The following DYM variants were observed in gnomAD, a reference collection of about 807,000 sequenced individuals.
DYM encodes dyggve-Melchior-Clausen syndrome protein.
In DYM, 78 loss-of-function variants were observed where a neutral mutation model predicts 93.1. The observed-to-expected ratio is 0.84, with a 90% CI of 0.70 to 1.01. DYM has a LOEUF of 1.01. Among genes scored for constraint, DYM ranks in the 50% least tolerant of loss-of-function variants. The probability of loss-of-function intolerance (pLI) is 0.00; values close to 1 mark genes in which losing one functional copy is unlikely to be tolerated. For synonymous variants in DYM, 321 were observed against 319.7 expected (o/e 1.00, Z -0.04); for missense variants, 789 against 845.0 (o/e 0.93, Z 0.82).
At chr18:49,071,596 C>T (rs2076893451) in intron 17 of DYM, among the ~76,000 whole-genome samples, 1 of 152,208 alleles carries the variant, frequency 6.6e-6, no homozygotes, top group African/African-American at 2.4e-5. Flanking sequence ...TTTGTGACCA[C>T]AAGTACATTT....
intron 16 of DYM, among the ~76,000 whole-genome samples, chr18:49,101,935 T>A (rs906660525): frequency 1.3e-5 from 2 of 152,204 alleles, no homozygotes; most frequent in Non-Finnish European, 2.9e-5. Context: ...CAAAGAAGGC[T>A]TACATTTGAG....
rs748415590 is a variant in DYM at position 49,452,720 on chromosome 18, C to T, written c.-54+7678G>A. Among the ~76,000 whole-genome samples, 3 of 82,088 alleles carry T rather than the reference C, an allele frequency of 3.7e-5. 1 individual carries two copies. The highest frequency in any genetic ancestry group is 5.4e-5 in the African/African-American group (1 of 18,666). The allele number at this position is 82,088 out of a possible 152,430, so 53.9% of individuals were successfully genotyped here. A position where few individuals can be genotyped will look rare whatever the true frequency, so the allele number is the denominator to read the frequency against. On this transcript the variant is annotated intron_variant, in intron 1 of 17. Coordinates refer to ENST00000675505, the MANE Select transcript of DYM (RefSeq NM_001353214.3). ...CTCCCCAGCGCCTGGTCCCATCAACCGCCCAAGGGCTGAGGAGTGCAGGCG... is the reference window on the plus strand; with the variant it reads ...CTCCCCAGCGCCTGGTCCCATCAACTGCCCAAGGGCTGAGGAGTGCAGGCG...
At chr18:49,250,380 C>A (rs1368790207) in intron 13 of DYM, among the ~76,000 whole-genome samples, 1 of 152,238 alleles carries the variant, frequency 6.6e-6, no homozygotes, top group East Asian at 1.9e-4. Flanking sequence ...ATCTTTCCCA[C>A]ACCTACTTCT....
At chr18:49,144,872 G>A (rs1178703486) in intron 15 of DYM, among the ~76,000 whole-genome samples, 2 of 151,830 alleles carry the variant, frequency 1.3e-5, no homozygotes, top group Middle Eastern at 3.4e-3. Context: ...TAGAGCAGGA[G>A]GACTGCTTGA....
chr18:49,227,910 A>G (rs1376656663), intron 13 of DYM, among the ~76,000 whole-genome samples: 1 of 150,712 alleles, frequency 6.6e-6, no homozygotes, highest in Non-Finnish European at 1.5e-5. Context: ...CCTCTGGAAA[A>G]CTCCTACTCT....
chr18:49,097,580 T>G lies in DYM; in HGVS notation c.1912-65A>C, dbSNP rs987392491. The G allele has an allele frequency of 2.2e-5, 29 of 1,327,490 alleles. No individual in the cohort carries two copies. The African/African-American group carries it at 4.2e-4, about 19-fold the overall frequency. 82.2% of individuals were successfully genotyped at this position (1,327,490 alleles called of 1,614,324 possible). A position where few individuals can be genotyped will look rare whatever the true frequency, so the allele number is the denominator to read the frequency against. The stretch of plus-strand genomic sequence containing the variant: ...TGAAATGTATTTTTAGTAGCCGCCT[T>G]TCTCACATGGTAGTCAAACTATCAT... On this transcript the variant is annotated intron_variant, in intron 16 of 17. Coordinates refer to ENST00000675505, the MANE Select transcript of DYM (RefSeq NM_001353214.3).
At chr18:49,205,743 T>G (rs899719727) in intron 14 of DYM, among the ~76,000 whole-genome samples, 3 of 152,156 alleles carry the variant, frequency 2.0e-5, no homozygotes, top group Admixed American at 6.5e-5. Flanking sequence ...CAGCACAGTT[T>G]ACACATTTAT....
In DYM at chr18:49,336,487, A is replaced by G. The variant is rs532260422; in HGVS notation, c.495-2634T>C. ...AGCTTCCAGCACATAAGAATACTGA[A>G]GCAATACAACATGACAATAAGAGTC... On this transcript the variant is annotated intron_variant, in intron 6 of 17. Transcript: ENST00000675505. 7.5e-4 allele frequency among the ~76,000 whole-genome samples: 114 copies of G among 152,298 alleles called. 2 individuals carry two copies. The highest frequency in any genetic ancestry group is 2.7e-3 in the African/African-American group (113 of 41,574).
chr18:49,279,219 G>C (rs2094914495), intron 10 of DYM, among the ~76,000 whole-genome samples: 2 of 152,264 alleles, frequency 1.3e-5, no homozygotes, highest in South Asian at 2.1e-4. Context: ...ACCATCAATA[G>C]AAAGAATCCA....
intron 17 of DYM, among the ~76,000 whole-genome samples, chr18:49,046,184 A>G (rs2071492122): frequency 6.6e-6 from 1 of 151,078 alleles, no homozygotes; most frequent in South Asian, 2.1e-4. Context: ...GATAAAACAC[A>G]CAGACACGCA....
intron 5 of DYM, among the ~76,000 whole-genome samples, chr18:49,365,819 T>C (rs919853855): frequency 6.6e-6 from 1 of 152,158 alleles, no homozygotes; most frequent in Non-Finnish European, 1.5e-5. Flanking sequence ...TCCAGGGGTA[T>C]AAAAACACCT....
chr18:49,137,415 C>A (rs932310994), intron 15 of DYM, among the ~76,000 whole-genome samples: 3 of 152,134 alleles, frequency 2.0e-5, no homozygotes, highest in Non-Finnish European at 4.4e-5. Flanking sequence ...CTGAGAATTT[C>A]TTTTCTTTTG....
chr18:49,165,415 T>C (rs528342943), intron 14 of DYM, among the ~76,000 whole-genome samples: 2 of 152,162 alleles, frequency 1.3e-5, no homozygotes, highest in Non-Finnish European at 2.9e-5. Context: ...TGGCCTTTAG[T>C]ATTTTTTTAT....
intron 17 of DYM, among the ~76,000 whole-genome samples, chr18:49,047,893 G>A (rs1197818544): frequency 6.6e-6 from 1 of 152,160 alleles, no homozygotes; most frequent in Non-Finnish European, 1.5e-5. Flanking sequence ...GCCGTCTGAA[G>A]CTCCCACGGC....
intron 15 of DYM, among the ~76,000 whole-genome samples, chr18:49,146,005 T>C (rs1015513348): frequency 3.3e-5 from 5 of 152,220 alleles, no homozygotes; most frequent in Non-Finnish European, 7.3e-5. Context: ...TGTCATTTTC[T>C]ATTGATTCCC....
At chr18:49,409,537 C>A (rs1290919310) in intron 2 of DYM, among the ~76,000 whole-genome samples, 11 of 152,084 alleles carry the variant, frequency 7.2e-5, no homozygotes, top group African/African-American at 2.7e-4. Context: ...AATAAAAAGA[C>A]CAGAGCTTGG....
intron 8 of DYM, among the ~76,000 whole-genome samples, chr18:49,298,272 T>A (rs533706379): frequency 6.6e-6 from 1 of 152,296 alleles, no homozygotes; most frequent in African/African-American, 2.4e-5. Flanking sequence ...TTTATCCACC[T>A]TTGTAGTTTC....
intron 17 of DYM, among the ~76,000 whole-genome samples, chr18:49,096,692 T>A (rs1213402308): frequency 1.3e-5 from 2 of 152,216 alleles, no homozygotes; most frequent in Non-Finnish European, 2.9e-5. Flanking sequence ...ATGAGTTTTA[T>A]ATTGTGAGAC....
At chr18:49,195,524 T>G (rs1334568902) in intron 14 of DYM, among the ~76,000 whole-genome samples, 1 of 152,194 alleles carries the variant, frequency 6.6e-6, no homozygotes, top group African/African-American at 2.4e-5. Flanking sequence ...TAATTTTGTA[T>G]TCATTAACCA....
Sources: allele counts gnomAD v4.1 joint callset (sites outside exome capture counted in the v4.1 genomes callset), GRCh38; gene constraint gnomAD v4.1.1; transcripts MANE v1.5; gene names NCBI Gene and HGNC (gene_info 2026-07-23, HGNC 2026-07-21).